GIN1: variants seen among roughly 807,000 people sequenced by gnomAD.
The protein encoded by GIN1 is gypsy retrotransposon integrase 1.
A neutral mutation model predicts 51.4 loss-of-function variants in GIN1; 41 were observed. The ratio of observed to expected loss-of-function variants is 0.80; its 90% CI spans 0.62 to 1.04. The LOEUF is 1.04. Among genes scored for constraint, GIN1 ranks in the 50% least tolerant of loss-of-function variants. GIN1 has a pLI of 0.00. For synonymous variants in GIN1, 222 were observed against 206.5 expected (o/e 1.07, Z -0.64); for missense variants, 610 against 612.4 (o/e 1.00, Z 0.04).
intron 1 of GIN1, among the ~76,000 whole-genome samples, chr5:103,112,894 C>T (rs781969245): frequency 7.9e-5 from 12 of 151,954 alleles, no homozygotes; most frequent in Non-Finnish European, 1.8e-4. Flanking sequence ...CCTGTCCTCA[C>T]GGAGCTTATG....
chr5:103,101,606 C>G lies in GIN1; in HGVS notation c.639+2935G>C, dbSNP rs541345279. ...TGCCTTTTAGTATTATCTGCTTTCA[C>G]TGCAAAAATCTAAGCTCCCTGGCCA... On this transcript the variant is annotated intron_variant, in intron 4 of 7. Coordinates refer to ENST00000399004, the MANE Select transcript of GIN1 (RefSeq NM_017676.2). 7.2e-5 allele frequency among the ~76,000 whole-genome samples: 11 copies of G among 152,280 alleles called. No individual in the cohort carries two copies. The East Asian group carries it at 1.9e-3, about 27-fold the overall frequency.
chr5:103,119,241 G>C (rs1554198009), intron 1 of GIN1, among the ~76,000 whole-genome samples: 2 of 152,158 alleles, frequency 1.3e-5, no homozygotes, highest in African/African-American at 4.8e-5. Flanking sequence ...AATACCCGCT[G>C]GTTCCATCTT....
intron 3 of GIN1, 50 bp from the exon 4 acceptor site, chr5:103,104,896 C>A: frequency 9.1e-7 from 1 of 1,099,930 alleles, no homozygotes; most frequent in South Asian, 1.5e-5. Context: ...TAACACTCAA[C>A]ACAATATAAA....
intron 1 of GIN1, among the ~76,000 whole-genome samples, chr5:103,113,947 C>G (rs994533925): frequency 6.6e-6 from 1 of 152,208 alleles, no homozygotes. Context: ...GTATACAAGG[C>G]TTTATAAGAT....
chr5:103,104,392 C>T (rs558739441), intron 4 of GIN1, 149 bp downstream of exon 4: 2 of 538,148 alleles, frequency 3.7e-6, no homozygotes, highest in South Asian at 5.7e-5. Context: ...GTACAACTAT[C>T]CTTGTAGTAT....
chr5:103,104,956 G>A (rs1787683977), intron 3 of GIN1, 110 bp from the exon 4 acceptor site: 5 of 652,658 alleles, frequency 7.7e-6, no homozygotes, highest in African/African-American at 1.8e-5. Flanking sequence ...TATACTTTGT[G>A]TTTTGAAGGA....
At chr5:103,092,446 G>A (rs1486474253) in intron 7 of GIN1, among the ~76,000 whole-genome samples, 2 of 151,892 alleles carry the variant, frequency 1.3e-5, no homozygotes, top group Admixed American at 6.6e-5. Flanking sequence ...AAAGATAAAG[G>A]TTTCAGACTA....
At chr5:103,117,156 T>C (rs1788054150) in intron 1 of GIN1, among the ~76,000 whole-genome samples, 1 of 152,016 alleles carries the variant, frequency 6.6e-6, no homozygotes, top group African/African-American at 2.4e-5. Context: ...AACTGGTGAA[T>C]GGATAAACAA....
In GIN1 at chr5:103,096,521, G is replaced by C. The variant is rs1787397451; in HGVS notation, c.1294+20C>G. The C allele has an allele frequency of 1.9e-6, 3 of 1,542,316 alleles. No individual in the cohort carries two copies. The highest frequency in any genetic ancestry group is 1.4e-5 in the African/African-American group (1 of 72,968). On this transcript the variant is annotated intron_variant, in intron 7 of 7. Coordinates refer to ENST00000399004, the MANE Select transcript of GIN1 (RefSeq NM_017676.2). ...CCTTACCTAAAGCAATAAAAATGTA[G>C]AGAAGTGACAGATATTTACCTTGTT...
chr5:103,116,068 T>G (rs923875593), intron 1 of GIN1, among the ~76,000 whole-genome samples: 4 of 152,142 alleles, frequency 2.6e-5, no homozygotes, highest in Non-Finnish European at 5.9e-5. Flanking sequence ...TTCTCCAAAT[T>G]GATCTATAGA....
chr5:103,095,063 G>A (rs1467811986), intron 7 of GIN1, among the ~76,000 whole-genome samples: 1 of 152,102 alleles, frequency 6.6e-6, no homozygotes, highest in Non-Finnish European at 1.5e-5. Flanking sequence ...AAAGGCATAG[G>A]GTAAGTGTAG....
intron 4 of GIN1, among the ~76,000 whole-genome samples, chr5:103,101,417 T>C (rs908566782): frequency 9.2e-5 from 14 of 152,366 alleles, no homozygotes; most frequent in African/African-American, 3.4e-4. Flanking sequence ...ATGTTTGGAC[T>C]GCAGTTGACT....
At chr5:103,108,019 A>G (rs1787774100) in intron 2 of GIN1, among the ~76,000 whole-genome samples, 1 of 152,094 alleles carries the variant, frequency 6.6e-6, no homozygotes, top group Admixed American at 6.6e-5. Flanking sequence ...GGCAAAAATT[A>G]TCATGACCTT....
chr5:103,116,863 A>AT (rs1788045231), intron 1 of GIN1, among the ~76,000 whole-genome samples: 1 of 152,096 alleles, frequency 6.6e-6, no homozygotes, highest in African/African-American at 2.4e-5. Context: ...TAAAACTACC[A>AT]TAAGATATGA....
intron 4 of GIN1, chr5:103,102,872 C>T (rs1554195923): frequency 6.6e-6 from 1 of 151,598 alleles, no homozygotes; most frequent in Non-Finnish European, 1.5e-5. Context: ...AGAATGAGAC[C>T]CCGTCTCAAA....
chr5:103,096,987 T>G (rs1787414243), intron 6 of GIN1, among the ~76,000 whole-genome samples, 161 bp from the exon 7 acceptor site: 1 of 152,222 alleles, frequency 6.6e-6, no homozygotes, highest in Non-Finnish European at 1.5e-5. Context: ...AAGTCAGTAT[T>G]ATTAGCTCCT....
At chr5:103,114,661 A>T (rs754691824) in intron 1 of GIN1, among the ~76,000 whole-genome samples, 8 of 152,202 alleles carry the variant, frequency 5.3e-5, no homozygotes, top group Non-Finnish European at 1.0e-4. Context: ...CCACATCCCC[A>T]ATCTCAGGGA....
At chr5:103,115,092 T>G (rs570254801) in intron 1 of GIN1, among the ~76,000 whole-genome samples, 1 of 152,266 alleles carries the variant, frequency 6.6e-6, no homozygotes, top group South Asian at 2.1e-4. Context: ...AGATATAAGG[T>G]TCATTCATTG....
intron 2 of GIN1, among the ~76,000 whole-genome samples, chr5:103,108,360 T>C (rs1175427581): frequency 6.6e-6 from 1 of 152,058 alleles, no homozygotes; most frequent in Admixed American, 6.6e-5. Flanking sequence ...TCATATTCTG[T>C]CTATAATTTA....
Sources: allele counts gnomAD v4.1 joint callset (sites outside exome capture counted in the v4.1 genomes callset), GRCh38; gene constraint gnomAD v4.1.1; transcripts MANE v1.5; gene names NCBI Gene and HGNC (gene_info 2026-07-23, HGNC 2026-07-21).